ZFHX3: variants seen among roughly 807,000 people sequenced by gnomAD.
The protein encoded by ZFHX3 is zinc finger homeobox protein 3.
A neutral mutation model predicts 279.1 loss-of-function variants in ZFHX3; 42 were observed. That is an observed-to-expected ratio of 0.15 (90% CI 0.12 to 0.19). The LOEUF is 0.19. Among genes scored for constraint, ZFHX3 ranks in the 10% least tolerant of loss-of-function variants. The probability of loss-of-function intolerance (pLI) is 1.00; values close to 1 mark genes in which losing one functional copy is unlikely to be tolerated. For synonymous variants in ZFHX3, 2,293 were observed against 1,957.8 expected, an observed-to-expected ratio of 1.17 and a Z score of -4.52; for missense variants, 4,981 against 4,754.0, an observed-to-expected ratio of 1.05 and a Z score of -1.40.
At chr16:73,316,945 G>C (rs762587458) in intron 4 of ZFHX3, among the ~76,000 whole-genome samples, 3 of 152,150 alleles carry the variant, frequency 2.0e-5, no homozygotes, top group Non-Finnish European at 4.4e-5. Flanking sequence ...TGGCCCTTTT[G>C]TGAGATGTGT....
intron 3 of ZFHX3, among the ~76,000 whole-genome samples, chr16:72,909,326 C>T (rs538104812): frequency 5.3e-5 from 8 of 152,118 alleles, no homozygotes; most frequent in Non-Finnish European, 7.4e-5. Context: ...AATTCTGCCA[C>T]GGCAGCACAT....
At chr16:73,625,674 C>T (rs1397636908) in intron 2 of ZFHX3, among the ~76,000 whole-genome samples, 1 of 152,162 alleles carries the variant, frequency 6.6e-6, no homozygotes, top group Non-Finnish European at 1.5e-5. Context: ...AGACCAGCGG[C>T]ATTTGTGTCA....
chr16:73,107,383 A>G (rs756218379), intron 7 of ZFHX3, among the ~76,000 whole-genome samples: 2 of 152,214 alleles, frequency 1.3e-5, no homozygotes, highest in Non-Finnish European at 2.9e-5. Flanking sequence ...TTTCATATCA[A>G]ACCTTATTGA....
At chr16:73,056,838 A>G (rs769741687) in intron 1 of ZFHX3, among the ~76,000 whole-genome samples, 2 of 152,254 alleles carry the variant, frequency 1.3e-5, no homozygotes, top group African/African-American at 2.4e-5. Flanking sequence ...GGACCTCCAA[A>G]TAAGTTGGTC....
intron 2 of ZFHX3, among the ~76,000 whole-genome samples, chr16:73,463,282 C>T (rs1233593626): frequency 1.3e-5 from 2 of 152,096 alleles, no homozygotes; most frequent in Non-Finnish European, 2.9e-5. Flanking sequence ...TGATATTGTC[C>T]CCTCAACTTT....
At chr16:73,081,557 C>T (rs1965945615) in intron 8 of ZFHX3, 1 of 152,242 alleles carries the variant, frequency 6.6e-6, no homozygotes, top group Non-Finnish European at 1.5e-5. Flanking sequence ...CTGTGCCCGG[C>T]CCAAATTGTC....
intron 2 of ZFHX3, among the ~76,000 whole-genome samples, chr16:73,523,858 G>C (rs2019648493): frequency 6.6e-6 from 1 of 151,878 alleles, no homozygotes; most frequent in African/African-American, 2.4e-5. Flanking sequence ...AAGCAGAGGT[G>C]GTTAAAAAAA....
intron 1 of ZFHX3, among the ~76,000 whole-genome samples, chr16:73,027,224 C>T (rs1310724581): frequency 2.6e-5 from 4 of 152,196 alleles, no homozygotes; most frequent in African/African-American, 4.8e-5. Context: ...GGAACTGGCC[C>T]GCAGACTAGA....
intron 5 of ZFHX3, among the ~76,000 whole-genome samples, chr16:73,169,069 G>A (rs1490788184): frequency 1.3e-5 from 2 of 152,234 alleles, no homozygotes; most frequent in African/African-American, 4.8e-5. Flanking sequence ...AGGTTAGGGT[G>A]TTGAAATTGG....
chr16:73,595,093 G>C (rs957647829), intron 2 of ZFHX3, among the ~76,000 whole-genome samples: 11 of 152,130 alleles, frequency 7.2e-5, no homozygotes, highest in Non-Finnish European at 1.6e-4. Flanking sequence ...TGTTACACAG[G>C]ATGCTTTCCC....
intron 5 of ZFHX3, among the ~76,000 whole-genome samples, chr16:73,212,571 A>G (rs2012057333): frequency 6.6e-6 from 1 of 152,180 alleles, no homozygotes; most frequent in African/African-American, 2.4e-5. Flanking sequence ...TGGCATACTG[A>G]TATGTTGCAA....
chr16:73,733,666 T>C (rs958985447), intron 1 of ZFHX3, among the ~76,000 whole-genome samples: 1 of 152,218 alleles, frequency 6.6e-6, no homozygotes, highest in African/African-American at 2.4e-5. Context: ...ATATTAATTT[T>C]GTCAATAAAT....
intron 3 of ZFHX3, among the ~76,000 whole-genome samples, chr16:73,410,306 C>T (rs1186585395): frequency 6.6e-6 from 1 of 152,128 alleles, no homozygotes; most frequent in Non-Finnish European, 1.5e-5. Context: ...ATGCCAGCTA[C>T]TCAGGAGGCT....
chr16:73,483,064 A>T (rs1176343170), intron 2 of ZFHX3, among the ~76,000 whole-genome samples: 1 of 152,128 alleles, frequency 6.6e-6, no homozygotes, highest in African/African-American at 2.4e-5. Context: ...TTCCCCCTCC[A>T]TGGGGTTAGA....
At chr16:73,189,772 G>A (rs542566212) in intron 5 of ZFHX3, among the ~76,000 whole-genome samples, 21 of 152,224 alleles carry the variant, frequency 1.4e-4, no homozygotes, top group African/African-American at 4.8e-4. Context: ...TCCGTGTACC[G>A]GGAACTCCTC....
chr16:72,839,093 CATGAAATGTA>C (rs1183805831), intron 4 of ZFHX3, among the ~76,000 whole-genome samples: 1 of 152,120 alleles, frequency 6.6e-6, no homozygotes, highest in Non-Finnish European at 1.5e-5. Context: ...TACTTTCACA[CATGAAATGTA>C]AAAAAGGCAA....
intron 2 of ZFHX3, among the ~76,000 whole-genome samples, chr16:73,583,288 A>C (rs1397462661): frequency 6.6e-6 from 1 of 152,192 alleles, no homozygotes; most frequent in Non-Finnish European, 1.5e-5. Context: ...AATCTAAATA[A>C]AAGTTTTTAA....
chr16:73,334,556 T>C (rs1442220432), intron 3 of ZFHX3, among the ~76,000 whole-genome samples: 7 of 151,944 alleles, frequency 4.6e-5, no homozygotes, highest in Non-Finnish European at 7.4e-5. Context: ...GCCCCCGAGG[T>C]TGGCAGAGGG....
intron 5 of ZFHX3, among the ~76,000 whole-genome samples, chr16:73,182,493 T>C (rs1436157119): frequency 6.6e-6 from 1 of 151,720 alleles, no homozygotes; most frequent in Non-Finnish European, 1.5e-5. Flanking sequence ...AGATCTCAAA[T>C]AACTAAAAAT....
Sources: gnomAD v4.1 joint callset for allele counts (sites outside exome capture counted in the v4.1 genomes callset) on GRCh38, gnomAD v4.1.1 for gene constraint, MANE v1.5 for transcripts, NCBI Gene and HGNC (gene_info 2026-07-23, HGNC 2026-07-21) for gene names.